PCDH7: variants seen among roughly 807,000 people sequenced by gnomAD.
The protein encoded by PCDH7 is protocadherin-7.
A neutral mutation model predicts 58.9 loss-of-function variants in PCDH7; 17 were observed. The ratio of observed to expected loss-of-function variants is 0.29; its 90% CI spans 0.20 to 0.43. The LOEUF (loss-of-function observed/expected upper bound fraction) is 0.43, where lower values mean the gene tolerates loss of function less well. Ranked by LOEUF, PCDH7 falls within the 20% of genes least tolerant of loss-of-function variation. PCDH7 has a pLI of 1.00. For synonymous variants in PCDH7, 664 were observed against 616.4 expected (o/e 1.08, Z -1.14); for missense variants, 1,274 against 1,441.0 (o/e 0.88, Z 1.88).
intron 1 of PCDH7, among the ~76,000 whole-genome samples, chr4:30,791,998 G>A (rs1174751626): frequency 6.6e-6 from 1 of 152,072 alleles, no homozygotes; most frequent in East Asian, 1.9e-4. Context: ...TATTTAATGT[G>A]TCTATTATAT....
chr4:30,782,575 A>C (rs765842718), intron 1 of PCDH7, among the ~76,000 whole-genome samples: 9 of 152,224 alleles, frequency 5.9e-5, no homozygotes, highest in Non-Finnish European at 1.0e-4. Flanking sequence ...AACAAAAGAT[A>C]GAATAATAAC....
chr4:31,012,235 G>A (rs1239531442), intron 3 of PCDH7, among the ~76,000 whole-genome samples: 3 of 151,902 alleles, frequency 2.0e-5, no homozygotes, highest in Non-Finnish European at 2.9e-5. Flanking sequence ...TCAGTACACC[G>A]AAACAAACCA....
At chr4:31,059,903 A>G (rs529197494) in intron 3 of PCDH7, among the ~76,000 whole-genome samples, 7 of 151,900 alleles carry the variant, frequency 4.6e-5, no homozygotes, top group Non-Finnish European at 8.9e-5. Flanking sequence ...CATCTAATCT[A>G]TGTTCATTCT....
chr4:30,908,241 A>AAT (rs1741244619), intron 1 of PCDH7, among the ~76,000 whole-genome samples: 2 of 85,428 alleles, frequency 2.3e-5, no homozygotes, highest in Admixed American at 2.3e-4. Context: ...CTTAAAGAAT[A>AAT]ATAAAAAAAA....
At chr4:30,793,160 A>G (rs1476540139) in intron 1 of PCDH7, among the ~76,000 whole-genome samples, 1 of 152,144 alleles carries the variant, frequency 6.6e-6, no homozygotes, top group Non-Finnish European at 1.5e-5. Context: ...AATGTTTATG[A>G]GGCTTACTTC....
intron 3 of PCDH7, among the ~76,000 whole-genome samples, chr4:31,095,908 A>G (rs1447117647): frequency 1.3e-5 from 2 of 152,172 alleles, no homozygotes; most frequent in Non-Finnish European, 2.9e-5. Context: ...TCTTACAAAA[A>G]GTTTAAGCAG....
chr4:30,772,909 C>CT (rs1168290531), intron 1 of PCDH7, among the ~76,000 whole-genome samples: 5 of 151,580 alleles, frequency 3.3e-5, no homozygotes, highest in South Asian at 4.2e-4. Flanking sequence ...TATCTAATCC[C>CT]TTTTTTTTGT....
intron 1 of PCDH7, among the ~76,000 whole-genome samples, chr4:30,795,283 C>T (rs532014500): frequency 6.6e-6 from 1 of 152,202 alleles, no homozygotes; most frequent in African/African-American, 2.4e-5. Context: ...ACCCAGCTCT[C>T]TTATGTGTTT....
intron 3 of PCDH7, among the ~76,000 whole-genome samples, chr4:31,007,711 C>A (rs1752885046): frequency 6.6e-6 from 1 of 151,302 alleles, no homozygotes; most frequent in African/African-American, 2.4e-5. Context: ...CTGAGTAAAT[C>A]TAGTAATTGT....
At chr4:30,853,464 T>G (rs191751526) in intron 1 of PCDH7, among the ~76,000 whole-genome samples, 38 of 152,190 alleles carry the variant, frequency 2.5e-4, no homozygotes, top group Middle Eastern at 3.4e-3. Context: ...CCAGGATAAT[T>G]TGGGAACACA....
intron 3 of PCDH7, among the ~76,000 whole-genome samples, chr4:31,011,404 C>A (rs1209341697): frequency 6.6e-6 from 1 of 151,944 alleles, no homozygotes; most frequent in Non-Finnish European, 1.5e-5. Context: ...ATATTTGGCT[C>A]CTTTCCAGGC....
At chr4:30,774,271 C>T (rs1461247401) in intron 1 of PCDH7, among the ~76,000 whole-genome samples, 2 of 152,122 alleles carry the variant, frequency 1.3e-5, no homozygotes, top group African/African-American at 4.8e-5. Context: ...ATAGATGAAA[C>T]TGGAGAGACA....
intron 3 of PCDH7, among the ~76,000 whole-genome samples, chr4:31,031,196 A>G (rs932417874): frequency 2.6e-5 from 4 of 152,194 alleles, no homozygotes; most frequent in Non-Finnish European, 4.4e-5. Flanking sequence ...GTGATTCTCA[A>G]TGAGGAGAAT....
At chr4:31,064,351 A>C (rs1049043336) in intron 3 of PCDH7, among the ~76,000 whole-genome samples, 4 of 151,992 alleles carry the variant, frequency 2.6e-5, no homozygotes, top group Non-Finnish European at 5.9e-5. Flanking sequence ...ATTGTGTTCT[A>C]TGTGTATACA....
intron 1 of PCDH7, among the ~76,000 whole-genome samples, chr4:30,851,414 T>A (rs1158007827): frequency 5.3e-5 from 8 of 152,032 alleles, no homozygotes; most frequent in Admixed American, 6.6e-5. Flanking sequence ...TTTCATAAAA[T>A]GTGACATAAG....
At chr4:31,030,562 TA>T (rs1450366211) in intron 3 of PCDH7, among the ~76,000 whole-genome samples, 1 of 151,174 alleles carries the variant, frequency 6.6e-6, no homozygotes, top group African/African-American at 2.5e-5. Flanking sequence ...AATTTCATCT[TA>T]TTTTAAATTA....
chr4:30,781,150 G>A (rs1197452604), intron 1 of PCDH7, among the ~76,000 whole-genome samples: 1 of 151,978 alleles, frequency 6.6e-6, no homozygotes, highest in East Asian at 1.9e-4. Flanking sequence ...ATGAATCCTG[G>A]GATTCCATGA....
chr4:30,973,017 C>T (rs1468232274), intron 3 of PCDH7, among the ~76,000 whole-genome samples: 1 of 152,120 alleles, frequency 6.6e-6, no homozygotes, highest in East Asian at 1.9e-4. Context: ...TGATAAATAC[C>T]TTTTCCAACC....
intron 1 of PCDH7, among the ~76,000 whole-genome samples, chr4:30,850,047 A>T (rs1732516831): frequency 6.6e-6 from 1 of 151,966 alleles, no homozygotes; most frequent in Admixed American, 6.6e-5. Flanking sequence ...TAGATCCTTT[A>T]TCTCTTTTCT....
Sources: allele counts gnomAD v4.1 joint callset (sites outside exome capture counted in the v4.1 genomes callset), GRCh38; gene constraint gnomAD v4.1.1; transcripts MANE v1.5; gene names NCBI Gene and HGNC (gene_info 2026-07-23, HGNC 2026-07-21).